Variants in PPP2R2B observed in about 807,000 individuals in gnomAD.
PPP2R2B encodes protein phosphatase 2 regulatory subunit Bbeta.
Under a neutral mutation model 46.0 loss-of-function variants are expected in PPP2R2B, and 5 were observed. That is an observed-to-expected ratio of 0.11 (90% CI 0.06 to 0.23). The LOEUF (loss-of-function observed/expected upper bound fraction) is 0.23, where lower values mean the gene tolerates loss of function less well. Ranked by LOEUF, PPP2R2B falls within the 10% of genes least tolerant of loss-of-function variation. The pLI, the probability that PPP2R2B is intolerant of heterozygous loss-of-function variation, is 1.00. For synonymous variants in PPP2R2B, 215 were observed against 206.7 expected, an observed-to-expected ratio of 1.04 and a Z score of -0.34; for missense variants, 367 against 575.0, an observed-to-expected ratio of 0.64 and a Z score of 3.70.
At chr5:147,029,866 A>C (rs1258692645) in intron 1 of PPP2R2B, among the ~76,000 whole-genome samples, 1 of 152,188 alleles carries the variant, frequency 6.6e-6, no homozygotes, top group African/African-American at 2.4e-5. Context: ...CTTTAAGAAA[A>C]TCAATCTCTA....
chr5:146,957,593 G>T (rs1469245673), intron 1 of PPP2R2B, among the ~76,000 whole-genome samples: 1 of 152,108 alleles, frequency 6.6e-6, no homozygotes, highest in African/African-American at 2.4e-5. Flanking sequence ...TTGCATGATT[G>T]TTGGAGATAA....
intron 1 of PPP2R2B, among the ~76,000 whole-genome samples, chr5:146,936,457 T>G (rs1764141399): frequency 7.1e-6 from 1 of 141,426 alleles, no homozygotes; most frequent in Admixed American, 7.4e-5. Flanking sequence ...TAAGACTCCT[T>G]GTAAGCAGGA....
intron 2 of PPP2R2B, among the ~76,000 whole-genome samples, chr5:146,870,734 C>T (rs529502974): frequency 6.3e-4 from 96 of 152,230 alleles, no homozygotes; most frequent in African/African-American, 2.1e-3. Context: ...CATAAGGGCC[C>T]CTCTAGATTC....
At chr5:146,948,370 T>C (rs1044293246) in intron 1 of PPP2R2B, among the ~76,000 whole-genome samples, 1 of 152,060 alleles carries the variant, frequency 6.6e-6, no homozygotes, top group Non-Finnish European at 1.5e-5. Flanking sequence ...CCTATTTGTC[T>C]TATAGGTTAG....
intron 1 of PPP2R2B, among the ~76,000 whole-genome samples, chr5:146,933,788 T>C (rs1318758578): frequency 6.6e-6 from 1 of 151,304 alleles, no homozygotes; most frequent in Non-Finnish European, 1.5e-5. Context: ...CCCACTAACT[T>C]GTCATCTAGC....
chr5:146,868,121 C>G (rs1004285120), intron 2 of PPP2R2B, among the ~76,000 whole-genome samples: 1 of 152,266 alleles, frequency 6.6e-6, no homozygotes, highest in Non-Finnish European at 1.5e-5. Flanking sequence ...CCACCAGCCA[C>G]CTTTGCTGAG....
At chr5:146,590,394 T>TG (rs529389150) in intron 9 of PPP2R2B, among the ~76,000 whole-genome samples, 168 bp from the exon 10 acceptor site, 1,707 of 145,144 alleles carry the variant, frequency 0.012, 34 homozygotes, top group African/African-American at 0.045. Context: ...TGTTTTTTTT[T>TG]TGTGTTTTTT....
At chr5:146,826,704 T>C (rs941508801) in intron 2 of PPP2R2B, among the ~76,000 whole-genome samples, 5 of 152,156 alleles carry the variant, frequency 3.3e-5, no homozygotes, top group African/African-American at 1.2e-4. Flanking sequence ...AAAAATTGCA[T>C]TTAGTGCCAT....
intron 2 of PPP2R2B, among the ~76,000 whole-genome samples, chr5:146,722,594 C>G (rs546129091): frequency 3.7e-4 from 57 of 152,310 alleles, no homozygotes; most frequent in African/African-American, 1.3e-3. Context: ...CTTCATCTAA[C>G]AGAAGTAGGT....
At chr5:146,941,083 T>C (rs915365298) in intron 1 of PPP2R2B, among the ~76,000 whole-genome samples, 4 of 152,128 alleles carry the variant, frequency 2.6e-5, no homozygotes, top group Admixed American at 6.5e-5. Context: ...TCTTCTTTGT[T>C]CTCAAGATTA....
At chr5:146,853,090 C>A (rs193191781) in intron 2 of PPP2R2B, among the ~76,000 whole-genome samples, 47 of 152,104 alleles carry the variant, frequency 3.1e-4, no homozygotes, top group African/African-American at 1.1e-3. Flanking sequence ...ATAGCAGTTG[C>A]CATTTAGGAG....
chr5:146,675,026 G>A (rs952226402), intron 5 of PPP2R2B, among the ~76,000 whole-genome samples: 1 of 152,090 alleles, frequency 6.6e-6, no homozygotes, highest in South Asian at 2.1e-4. Context: ...TCAGTGGCAC[G>A]ATCTCAGCTC....
At chr5:146,654,272 G>C (rs140958636) in intron 5 of PPP2R2B, among the ~76,000 whole-genome samples, 2 of 152,124 alleles carry the variant, frequency 1.3e-5, no homozygotes, top group African/African-American at 2.4e-5. Context: ...CAGGGGAGGT[G>C]GGGGGAGGTG....
intron 2 of PPP2R2B, among the ~76,000 whole-genome samples, chr5:146,750,421 C>G (rs901885315): frequency 2.6e-5 from 4 of 152,140 alleles, no homozygotes; most frequent in African/African-American, 9.7e-5. Flanking sequence ...GTAGACAAGT[C>G]CTATGCCTTT....
intron 2 of PPP2R2B, among the ~76,000 whole-genome samples, chr5:146,714,469 G>T (rs1206562670): frequency 1.3e-5 from 2 of 152,032 alleles, no homozygotes; most frequent in Non-Finnish European, 2.9e-5. Context: ...AGAAATAACA[G>T]CATGTTTATA....
chr5:146,727,165 G>A (rs534654287), intron 2 of PPP2R2B, among the ~76,000 whole-genome samples: 8 of 151,822 alleles, frequency 5.3e-5, no homozygotes, highest in Non-Finnish European at 1.2e-4. Context: ...CAAGAACAAG[G>A]TCTCATTGTA....
chr5:146,830,036 A>T (rs1446494186), intron 2 of PPP2R2B, among the ~76,000 whole-genome samples: 1 of 152,240 alleles, frequency 6.6e-6, no homozygotes, highest in Non-Finnish European at 1.5e-5. Context: ...AAGATATTCT[A>T]TGCAAAACAT....
chr5:146,739,528 A>C (rs2151218377), intron 2 of PPP2R2B, among the ~76,000 whole-genome samples: 1 of 152,316 alleles, frequency 6.6e-6, no homozygotes, highest in Middle Eastern at 3.4e-3. Flanking sequence ...ATGAGACGGA[A>C]GCATGGAGTG....
intron 5 of PPP2R2B, among the ~76,000 whole-genome samples, chr5:146,689,168 T>G (rs975999501): frequency 6.6e-6 from 1 of 152,116 alleles, no homozygotes; most frequent in Non-Finnish European, 1.5e-5. Flanking sequence ...CATCATTGAG[T>G]GCTTTTTGTG....
Sources: allele counts gnomAD v4.1 joint callset (sites outside exome capture counted in the v4.1 genomes callset), GRCh38; gene constraint gnomAD v4.1.1; transcripts MANE v1.5; gene names NCBI Gene and HGNC (gene_info 2026-07-23, HGNC 2026-07-21).